GINM1: variants seen among roughly 807,000 people sequenced by gnomAD.
GINM1 encodes glycosylated integral membrane protein 1, also known as glycoprotein integral membrane protein 1.
A neutral mutation model predicts 37.8 loss-of-function variants in GINM1; 29 were observed. That is an observed-to-expected ratio of 0.77 (90% CI 0.57 to 1.05). The LOEUF (loss-of-function observed/expected upper bound fraction) is 1.05. GINM1 is among the 50% of genes least tolerant of loss of function. The probability of loss-of-function intolerance (pLI) is 0.00; values close to 1 mark genes in which losing one functional copy is unlikely to be tolerated. For synonymous variants in GINM1, 143 were observed against 146.2 expected (o/e 0.98, Z 0.16); for missense variants, 377 against 397.9 (o/e 0.95, Z 0.45).
intron 6 of GINM1, 170 bp downstream of exon 6, chr6:149,580,893 T>A: frequency 1.8e-6 from 1 of 567,356 alleles, no homozygotes; most frequent in Non-Finnish European, 3.1e-6. Context: ...ATTTTCCTCT[T>A]CGAGCTTTGT....
In GINM1 at chr6:149,591,656, A is replaced by G. The variant is rs1051497353; in HGVS notation, c.*818A>G. 4 of 152,140 alleles carry G rather than the reference A, an allele frequency of 2.6e-5. No homozygotes were observed. The highest frequency in any genetic ancestry group is 2.1e-4 in the South Asian group (1 of 4,832). The allele number at this position is 152,140 out of a possible 1,614,324, so 9.4% of individuals were successfully genotyped here. On this transcript the variant is annotated 3_prime_UTR_variant, in exon 8 of 8. Coordinates refer to ENST00000367419, the MANE Select transcript of GINM1 (RefSeq NM_138785.5). The stretch of plus-strand genomic sequence containing the variant: ...CATGATTTGATTGTATCCTGTACCA[A>G]GACTACTTACCTTGAATGCTCCAAG...
At position 149,580,724 on chromosome 6, in the gene GINM1, G is replaced by A. The variant is rs1217358288; in HGVS notation, c.717+1G>A. On this transcript the variant is annotated splice_donor_variant, in intron 6 of 7. Transcript: ENST00000367419. LOFTEE classifies it high-confidence loss of function. ...AGCAGAGCCGCCATCTTCATATAAG[G>A]TAAATCAAGTATTTGGTGTTATCAT... 1 of 1,552,262 alleles carries A rather than the reference G, an allele frequency of 6.4e-7. No homozygotes were observed. The highest frequency in any genetic ancestry group is 1.4e-5 in the African/African-American group (1 of 72,714).
At chr6:149,582,090 C>G in intron 6 of GINM1, 1 of 476,902 alleles carries the variant, frequency 2.1e-6, no homozygotes. Context: ...TGCTCCATTT[C>G]GTTTATAATG....
chr6:149,571,809 G>A (rs769933848), intron 1 of GINM1, among the ~76,000 whole-genome samples: 4 of 152,036 alleles, frequency 2.6e-5, no homozygotes, highest in Non-Finnish European at 4.4e-5. Context: ...TAGACCGGGC[G>A]CGGTGACTCA....
intron 3 of GINM1, among the ~76,000 whole-genome samples, chr6:149,577,066 C>T (rs1327620507): frequency 1.3e-5 from 2 of 152,198 alleles, no homozygotes; most frequent in East Asian, 3.9e-4. Flanking sequence ...AACCCCAAGC[C>T]ATGAGGGATC....
chr6:149,580,068 G>T, intron 5 of GINM1, 78 bp downstream of exon 5: 3 of 903,316 alleles, frequency 3.3e-6, no homozygotes, highest in Non-Finnish European at 4.8e-6. Flanking sequence ...CTTGAACTTT[G>T]TTATTTTTTA....
intron 7 of GINM1, among the ~76,000 whole-genome samples, chr6:149,582,968 C>G (rs1778023371): frequency 9.9e-6 from 1 of 100,566 alleles, no homozygotes; most frequent in African/African-American, 7.9e-5. Context: ...CCCAGAGTAT[C>G]AGTTTAAAAT....
chr6:149,589,285 A>T (rs991646325), intron 7 of GINM1, among the ~76,000 whole-genome samples: 27 of 150,976 alleles, frequency 1.8e-4, no homozygotes, highest in Admixed American at 1.2e-3. Flanking sequence ...ATTTATTTAT[A>T]TATTTGAGAC....
At chr6:149,583,932 ATTG>A (rs550060410) in intron 7 of GINM1, among the ~76,000 whole-genome samples, 321 of 152,050 alleles carry the variant, frequency 2.1e-3, no homozygotes, top group African/African-American at 7.4e-3. Context: ...AAAATGAATT[ATTG>A]TTAGTATTTT....
chr6:149,573,089 G>A (rs369040697), intron 3 of GINM1, among the ~76,000 whole-genome samples: 4 of 152,180 alleles, frequency 2.6e-5, no homozygotes, highest in East Asian at 1.9e-4. Flanking sequence ...TTGGGAGGCC[G>A]AGGTGGGCAG....
rs764963346 is a variant in GINM1, at chr6:149,578,857, G to T, written c.313G>T (p.Glu105Ter). ...AAATCTTGAAAATTTGGAGGAAAAAGAATATTTTGGAATTGTCAGTGTAAG... is the reference window on the plus strand; with the variant it reads ...AAATCTTGAAAATTTGGAGGAAAAATAATATTTTGGAATTGTCAGTGTAAG... ...NENLENLEEK[E>*]YFGIVSVRIL... is the part of the protein sequence containing the mutation. Residue 105 changes from glutamate (E) to a stop codon, truncating the protein, a stop_gained, in exon 4 of 8, where the codon GAA becomes TAA. Transcript: ENST00000367419. LOFTEE classifies it high-confidence loss of function. 9 of 1,586,264 alleles carry T rather than the reference G, an allele frequency of 5.7e-6. No individual in the cohort carries two copies. The highest frequency in any genetic ancestry group is 1.4e-5 in the African/African-American group (1 of 73,862).
intron 7 of GINM1, among the ~76,000 whole-genome samples, chr6:149,589,551 G>T (rs1778122631): frequency 6.6e-6 from 1 of 152,142 alleles, no homozygotes; most frequent in Non-Finnish European, 1.5e-5. Context: ...GGGATTACAG[G>T]CATGAGCCAC....
chr6:149,581,963 T>C (rs1778009111), intron 6 of GINM1: 1 of 464,968 alleles, frequency 2.2e-6, no homozygotes, highest in South Asian at 1.6e-5. Context: ...GCTCTCGCTC[T>C]TAAAGTATAG....
In GINM1 at chr6:149,566,797, C is replaced by T. The variant is rs982673323; in HGVS notation, c.120+263C>T. 3.9e-5 allele frequency among the ~76,000 whole-genome samples: 6 copies of T among 152,370 alleles called. No homozygotes were observed. Among genetic ancestry groups the T allele is most frequent in the African/African-American group, 7.2e-5 (3 of 41,594 alleles). On this transcript the variant is annotated intron_variant, in intron 1 of 7. Coordinates refer to ENST00000367419, the MANE Select transcript of GINM1 (RefSeq NM_138785.5). The surrounding 1 kb of genome is among the most constrained non-coding windows in gnomAD (Gnocchi z 4.4). ...GACTCTCCGGCGGCCCAAGCCGGCG[C>T]GCGACCTGACGGGGCTTTGCCGTCG...
chr6:149,589,383 C>T (rs1278288600), intron 7 of GINM1, among the ~76,000 whole-genome samples: 1 of 152,036 alleles, frequency 6.6e-6, no homozygotes, highest in Non-Finnish European at 1.5e-5. Context: ...AGAGATTCTC[C>T]TGCCTCAGCC....
At chr6:149,574,212 G>A (rs528674174) in intron 3 of GINM1, among the ~76,000 whole-genome samples, 239 of 151,890 alleles carry the variant, frequency 1.6e-3, no homozygotes, top group African/African-American at 5.4e-3. Flanking sequence ...CACCATGCCC[G>A]GCTAATTTTT....
rs1310905628 is a variant in GINM1 at position 149,569,932 on chromosome 6, C to A, written c.121-2353C>A. 3.3e-5 allele frequency among the ~76,000 whole-genome samples: 5 copies of A among 151,488 alleles called. No individual in the cohort carries two copies. In the East Asian group the frequency reaches 9.8e-4, roughly 30 times the overall value. ...GGCTTACGAGCCTGAACTTCCAGTT[C>A]AATCAGAAGTTCTCAAGAACAATAA... On this transcript the variant is annotated intron_variant, in intron 1 of 7. Coordinates refer to ENST00000367419, the MANE Select transcript of GINM1 (RefSeq NM_138785.5).
At chr6:149,590,629 G>T in intron 7 of GINM1, 98 bp from the exon 8 acceptor site, 1 of 636,076 alleles carries the variant, frequency 1.6e-6, no homozygotes, top group East Asian at 2.8e-5. Flanking sequence ...CCTAACCTTA[G>T]GTGTATATTA....
At chr6:149,585,818 C>T (rs1446956164) in intron 7 of GINM1, among the ~76,000 whole-genome samples, 2 of 152,116 alleles carry the variant, frequency 1.3e-5, no homozygotes, top group South Asian at 2.1e-4. Flanking sequence ...GGTCTTGATC[C>T]CCTGACCTCG....
Sources: gnomAD v4.1 joint callset for allele counts (sites outside exome capture counted in the v4.1 genomes callset) on GRCh38, gnomAD v4.1.1 for gene constraint, Gnocchi (gnomAD v3.1) non-coding constraint, MANE v1.5 for transcripts, NCBI Gene and HGNC (gene_info 2026-07-23, HGNC 2026-07-21) for gene names.